The following NR6A1 variants were observed in gnomAD, a reference collection of about 807,000 sequenced individuals.
The protein encoded by NR6A1 is nuclear receptor subfamily 6 group A member 1, also known as retinoic acid receptor-related testis-associated receptor.
A neutral mutation model predicts 59.1 loss-of-function variants in NR6A1; 7 were observed. The ratio of observed to expected loss-of-function variants is 0.12; its 90% CI spans 0.07 to 0.22. The LOEUF (loss-of-function observed/expected upper bound fraction) is 0.22, where lower values mean the gene tolerates loss of function less well. NR6A1 is among the 10% of genes least tolerant of loss of function. NR6A1 has a pLI of 1.00. For synonymous variants in NR6A1, 243 were observed against 236.1 expected (o/e 1.03, Z -0.27); for missense variants, 468 against 611.6 (o/e 0.77, Z 2.48).
chr9:124,560,376 C>T lies in NR6A1; in HGVS notation c.143-5806G>A, dbSNP rs558747635. Among the ~76,000 whole-genome samples the T allele has an allele frequency of 2.6e-5, 4 of 152,240 alleles. No homozygotes were observed. The East Asian group carries it at 7.7e-4, about 29-fold the overall frequency. On this transcript the variant is annotated intron_variant, in intron 2 of 9. Coordinates refer to ENST00000487099, the MANE Select transcript of NR6A1 (RefSeq NM_033334.4). ...ATTGAAATATTTGGGGATCTGGGTC[C>T]TGCCACCTAGTATATTATTTCTTCC...
intron 1 of NR6A1, among the ~76,000 whole-genome samples, chr9:124,738,520 C>T (rs1039926459): frequency 6.6e-6 from 1 of 152,096 alleles, no homozygotes; most frequent in Non-Finnish European, 1.5e-5. Flanking sequence ...AATGTTACTG[C>T]AAAGGTTATA....
At chr9:124,577,433 C>T (rs1034665086) in intron 2 of NR6A1, among the ~76,000 whole-genome samples, 2 of 152,186 alleles carry the variant, frequency 1.3e-5, no homozygotes, top group Non-Finnish European at 2.9e-5. Context: ...GTATTACTGA[C>T]TCTGAGGGTT....
rs112536117 is a variant in NR6A1 at position 124,534,647 on chromosome 9, A to C, written c.1079+1231T>G. Among the ~76,000 whole-genome samples the C allele has an allele frequency of 8.2e-3, 1,244 of 152,332 alleles. 15 individuals are homozygous for C. Among genetic ancestry groups the C allele is most frequent in the African/African-American group, 0.029 (1,187 of 41,584 alleles). On this transcript the variant is annotated intron_variant, in intron 7 of 9. Transcript: ENST00000487099. Reference sequence around the variant, plus strand: ...AGTCCTATCCTTTCAACATCTCACCACATCTCAGACGGAGTCAAAGAACCT... The same window carrying C: ...AGTCCTATCCTTTCAACATCTCACCCCATCTCAGACGGAGTCAAAGAACCT...
At chr9:124,636,386 G>A (rs1184686222) in intron 2 of NR6A1, among the ~76,000 whole-genome samples, 1 of 151,998 alleles carries the variant, frequency 6.6e-6, no homozygotes, top group Non-Finnish European at 1.5e-5. Context: ...CATTGACAGT[G>A]TTTTTAACAG....
chr9:124,710,014 TTC>T (rs1381233510), intron 2 of NR6A1, among the ~76,000 whole-genome samples: 1 of 152,004 alleles, frequency 6.6e-6, no homozygotes, highest in Non-Finnish European at 1.5e-5. Flanking sequence ...TTGAGAGTGT[TTC>T]TGTTCCTTGC....
chr9:124,548,546 AT>A (rs532893156), intron 3 of NR6A1, among the ~76,000 whole-genome samples: 4 of 152,360 alleles, frequency 2.6e-5, no homozygotes, highest in African/African-American at 9.6e-5. Flanking sequence ...TGTAAAAAAA[AT>A]GTTTGTAAGG....
intron 2 of NR6A1, among the ~76,000 whole-genome samples, chr9:124,559,041 A>G (rs1834005338): frequency 6.6e-6 from 1 of 152,236 alleles, no homozygotes; most frequent in East Asian, 1.9e-4. Flanking sequence ...GGTTATTCTT[A>G]TCTTATAGAT....
In NR6A1 at chr9:124,522,809, G is replaced by T; in HGVS notation, c.1355-16C>A. 6.4e-7 allele frequency: 1 copy of T among 1,565,056 alleles called. No homozygotes were observed. Among genetic ancestry groups the T allele is most frequent in the South Asian group, 1.2e-5 (1 of 84,988 alleles). ...ACCATCTTTCCTGGGAACAAGGGGG[G>T]AGAAGAAGAGTTAGCAGTGGTCACT... On this transcript the variant is annotated splice_polypyrimidine_tract_variant and intron_variant, in intron 9 of 9. Transcript: ENST00000487099.
chr9:124,686,446 C>CA (rs533557347), intron 2 of NR6A1, among the ~76,000 whole-genome samples: 32 of 152,188 alleles, frequency 2.1e-4, no homozygotes, highest in Non-Finnish European at 4.3e-4. Context: ...CCATGAATAT[C>CA]ACCTACTGCA....
chr9:124,757,037 A>C (rs1328041920), intron 1 of NR6A1, among the ~76,000 whole-genome samples: 1 of 152,128 alleles, frequency 6.6e-6, no homozygotes, highest in Non-Finnish European at 1.5e-5. Context: ...TCTCACCCCA[A>C]AATGATAAAA....
chr9:124,691,185 T>C (rs1221838568), intron 2 of NR6A1, among the ~76,000 whole-genome samples: 2 of 152,236 alleles, frequency 1.3e-5, no homozygotes, highest in Non-Finnish European at 2.9e-5. Context: ...TTTGTGTGTG[T>C]ATACAATTTA....
intron 1 of NR6A1, among the ~76,000 whole-genome samples, chr9:124,738,581 C>T (rs570347579): frequency 6.6e-6 from 1 of 152,210 alleles, no homozygotes; most frequent in South Asian, 2.1e-4. Flanking sequence ...GAAAAAAGGA[C>T]ACGGGGGCCG....
intron 2 of NR6A1, among the ~76,000 whole-genome samples, chr9:124,591,742 C>A (rs1426765558): frequency 1.3e-5 from 2 of 152,146 alleles, no homozygotes; most frequent in African/African-American, 4.8e-5. Context: ...ATCTATCAGG[C>A]TTTTCAAAAT....
intron 3 of NR6A1, among the ~76,000 whole-genome samples, chr9:124,544,743 CATGAG>C (rs553235334): frequency 9.2e-5 from 14 of 152,204 alleles, no homozygotes; most frequent in African/African-American, 3.4e-4. Flanking sequence ...GGAAGAGTAG[CATGAG>C]ATAAGGGTGG....
intron 2 of NR6A1, among the ~76,000 whole-genome samples, chr9:124,731,726 T>C (rs1244925106): frequency 6.6e-6 from 1 of 152,224 alleles, no homozygotes; most frequent in East Asian, 1.9e-4. Context: ...CTTATGACTT[T>C]CTTAACAACA....
intron 2 of NR6A1, among the ~76,000 whole-genome samples, chr9:124,611,473 C>T (rs1394171440): frequency 6.6e-6 from 1 of 152,124 alleles, no homozygotes; most frequent in Non-Finnish European, 1.5e-5. Flanking sequence ...CAGTGGTTCA[C>T]ACCTCTGATC....
intron 2 of NR6A1, among the ~76,000 whole-genome samples, chr9:124,594,333 G>A (rs1016486891): frequency 6.6e-6 from 1 of 152,136 alleles, no homozygotes; most frequent in Non-Finnish European, 1.5e-5. Flanking sequence ...ATGAACCAGG[G>A]GAGAACTTTC....
chr9:124,766,504 T>G (rs747836231), intron 1 of NR6A1, among the ~76,000 whole-genome samples: 1 of 152,244 alleles, frequency 6.6e-6, no homozygotes, highest in Non-Finnish European at 1.5e-5. Flanking sequence ...TTTTTCTAAT[T>G]CTGACCTTTT....
intron 2 of NR6A1, among the ~76,000 whole-genome samples, chr9:124,598,340 T>A (rs1202355038): frequency 1.4e-5 from 2 of 147,576 alleles, no homozygotes; most frequent in Non-Finnish European, 3.0e-5. Flanking sequence ...CAGAGTGACC[T>A]CGTCCCTACT....
Sources: allele counts gnomAD v4.1 joint callset (sites outside exome capture counted in the v4.1 genomes callset), GRCh38; gene constraint gnomAD v4.1.1; transcripts MANE v1.5; gene names NCBI Gene and HGNC (gene_info 2026-07-23, HGNC 2026-07-21).